The following PHF20 variants were observed in gnomAD, a reference collection of about 807,000 sequenced individuals.
PHF20 encodes the protein glioma-expressed antigen 2.
PHF20 carries 23 observed loss-of-function variants against 113.5 expected under a neutral mutation model. The observed-to-expected ratio is 0.20, with a 90% CI of 0.15 to 0.29. The LOEUF is 0.29. PHF20 is among the 10% of genes least tolerant of loss of function. The pLI is 1.00. For synonymous variants in PHF20, 434 were observed against 457.3 expected (o/e 0.95, Z 0.65); for missense variants, 943 against 1,219.6 (o/e 0.77, Z 3.38).
At chr20:35,923,484 C>A (rs772948658) in intron 13 of PHF20, among the ~76,000 whole-genome samples, 18 of 152,000 alleles carry the variant, frequency 1.2e-4, no homozygotes, top group Admixed American at 6.6e-5. Flanking sequence ...AACAAAGAAG[C>A]CCATTTGAAA....
At chr20:35,853,417 A>G (rs1434374919) in intron 4 of PHF20, 1 of 152,106 alleles carries the variant, frequency 6.6e-6, no homozygotes, top group African/African-American at 2.4e-5. Flanking sequence ...ATTCTGGAAT[A>G]ATCTGACTTC....
intron 2 of PHF20, among the ~76,000 whole-genome samples, chr20:35,825,236 G>A (rs1172075784): frequency 6.6e-6 from 1 of 152,160 alleles, no homozygotes; most frequent in Non-Finnish European, 1.5e-5. Context: ...GGCCCAGACT[G>A]GACTCAAACT....
At chr20:35,819,685 C>T (rs1160038066) in intron 2 of PHF20, among the ~76,000 whole-genome samples, 2 of 151,318 alleles carry the variant, frequency 1.3e-5, no homozygotes, top group African/African-American at 4.9e-5. Context: ...TGTTTTTAAG[C>T]AATCTTTTCT....
intron 13 of PHF20, among the ~76,000 whole-genome samples, chr20:35,921,014 T>C (rs1472443595): frequency 1.3e-5 from 2 of 152,232 alleles, no homozygotes; most frequent in Non-Finnish European, 2.9e-5. Flanking sequence ...ATGGTGGGCA[T>C]ATTCCCATGA....
At chr20:35,933,881 G>A (rs2055813612) in intron 15 of PHF20, among the ~76,000 whole-genome samples, 2 of 152,178 alleles carry the variant, frequency 1.3e-5, no homozygotes, top group African/African-American at 4.8e-5. Context: ...TACAGCAACA[G>A]GGCCTTGAGT....
intron 5 of PHF20, 99 bp downstream of exon 5, chr20:35,858,480 GT>G: frequency 1.6e-6 from 1 of 621,488 alleles, no homozygotes. Flanking sequence ...GATAGCAAGT[GT>G]TTATTTCCTC....
intron 9 of PHF20, among the ~76,000 whole-genome samples, chr20:35,873,613 C>T (rs2054467003): frequency 6.6e-6 from 1 of 151,860 alleles, no homozygotes; most frequent in African/African-American, 2.4e-5. Context: ...GGATTATAGG[C>T]ACCCACCACC....
At chr20:35,892,001 C>A (rs2054876746) in intron 9 of PHF20, among the ~76,000 whole-genome samples, 1 of 151,564 alleles carries the variant, frequency 6.6e-6, no homozygotes, top group Admixed American at 6.6e-5. Context: ...TCCTGAGAAG[C>A]TGGGATTACA....
intron 13 of PHF20, among the ~76,000 whole-genome samples, chr20:35,923,051 G>T (rs1165283515): frequency 6.6e-6 from 1 of 152,202 alleles, no homozygotes; most frequent in African/African-American, 2.4e-5. Flanking sequence ...GGCAGTCAAG[G>T]CTGCAGGGAG....
chr20:35,806,999 G>C (rs1483921006), intron 2 of PHF20, among the ~76,000 whole-genome samples: 1 of 151,848 alleles, frequency 6.6e-6, no homozygotes, highest in Non-Finnish European at 1.5e-5. Context: ...GTTTCACTGT[G>C]TTAGCCAGGA....
In PHF20 at chr20:35,948,322, A is replaced by T. The variant is rs2056122378; in HGVS notation, c.*695A>T. On this transcript the variant is annotated 3_prime_UTR_variant, in exon 18 of 18. Transcript: ENST00000374012. ...TAGAATCTCACTCACAGTAATAAGA[A>T]TCTAGGAGGAATTCCAAACCGAAGC... 6.6e-6 allele frequency: 1 copy of T among 152,618 alleles called. No individual in the cohort carries two copies. The highest frequency in any genetic ancestry group is 2.4e-5 in the African/African-American group (1 of 41,444). 9.5% of individuals were successfully genotyped at this position (152,618 alleles called of 1,614,324 possible). A position where few individuals can be genotyped will look rare whatever the true frequency, so the allele number is the denominator to read the frequency against.
chr20:35,790,481 G>A (rs1180322741), intron 1 of PHF20, among the ~76,000 whole-genome samples: 2 of 152,162 alleles, frequency 1.3e-5, no homozygotes, highest in Non-Finnish European at 2.9e-5. Context: ...GATTACAGGT[G>A]TGAGCCACCG....
chr20:35,867,587 T>A (rs1402146631), intron 6 of PHF20, among the ~76,000 whole-genome samples: 1 of 152,162 alleles, frequency 6.6e-6, no homozygotes, highest in Non-Finnish European at 1.5e-5. Flanking sequence ...TAACTTGGAA[T>A]GTGTGGGATT....
chr20:35,943,045 G>T, intron 17 of PHF20, among the ~76,000 whole-genome samples: 1 of 152,080 alleles, frequency 6.6e-6, no homozygotes, highest in East Asian at 1.9e-4. Flanking sequence ...GGATGGTCTC[G>T]ATCTCCTGAC....
At chr20:35,878,511 C>T in intron 9 of PHF20, 1 of 619,718 alleles carries the variant, frequency 1.6e-6, no homozygotes, top group Non-Finnish European at 2.9e-6. Flanking sequence ...GATCAGGGAT[C>T]CAAACTTATT....
intron 1 of PHF20, chr20:35,775,198 G>A (rs1426976023): frequency 6.6e-6 from 1 of 152,058 alleles, no homozygotes; most frequent in African/African-American, 2.4e-5. Context: ...TTGAAATGCT[G>A]ATTCTGATTT....
chr20:35,803,592 TG>T (rs2041825334), intron 2 of PHF20, among the ~76,000 whole-genome samples: 1 of 151,830 alleles, frequency 6.6e-6, no homozygotes, highest in Non-Finnish European at 1.5e-5. Context: ...CCCAAAGTGC[TG>T]GGATTACAGG....
At position 35,781,673 on chromosome 20, in the gene PHF20, A is replaced by T. The variant is rs566759716; in HGVS notation, c.-33+9594A>T. Among the ~76,000 whole-genome samples the T allele has an allele frequency of 8.5e-3, 1,289 of 152,238 alleles. 7 individuals carry two copies. Among genetic ancestry groups the T allele is most frequent in the Non-Finnish European group, 0.014 (942 of 68,020 alleles). ...AAAATTGAAACTCTGGGCCGGGTCC[A>T]GTGGCTCATGCCTGTAATCCCAGCA... is the stretch of plus-strand genomic sequence containing the variant. On this transcript the variant is annotated intron_variant, in intron 1 of 17. Coordinates refer to ENST00000374012, the MANE Select transcript of PHF20 (RefSeq NM_016436.5).
intron 9 of PHF20, among the ~76,000 whole-genome samples, chr20:35,896,408 T>C (rs2054984706): frequency 6.6e-6 from 1 of 152,094 alleles, no homozygotes; most frequent in African/African-American, 2.4e-5. Context: ...TAATATAATA[T>C]ATTCTTGGGT....
Sources: gnomAD v4.1 joint callset for allele counts (sites outside exome capture counted in the v4.1 genomes callset) on GRCh38, gnomAD v4.1.1 for gene constraint, MANE v1.5 for transcripts, NCBI Gene and HGNC (gene_info 2026-07-23, HGNC 2026-07-21) for gene names.